FREM1: variants seen among roughly 807,000 people sequenced by gnomAD.
The protein encoded by FREM1 is FRAS1 related extracellular matrix 1, also known as FRAS1-related extracellular matrix protein 1.
In FREM1, 220 loss-of-function variants were observed where a neutral mutation model predicts 210.1. The ratio of observed to expected loss-of-function variants is 1.05; its 90% CI spans 0.94 to 1.17. The LOEUF (loss-of-function observed/expected upper bound fraction) is 1.17, where lower values mean the gene tolerates loss of function less well. Among genes scored for constraint, FREM1 ranks in the 50% most tolerant of loss-of-function variants. The pLI, the probability that FREM1 is intolerant of heterozygous loss-of-function variation, is 0.00. For missense variants in FREM1, 3,454 were observed against 2,675.5 expected (o/e 1.29, Z -6.42); for synonymous variants, 1,189 against 980.2 (o/e 1.21, Z -3.98).
intron 1 of FREM1, among the ~76,000 whole-genome samples, chr9:14,898,175 G>C (rs1838083256): frequency 6.6e-6 from 1 of 152,118 alleles, no homozygotes; most frequent in African/African-American, 2.4e-5. Flanking sequence ...ATTTCTTTGA[G>C]CAAGGTTCCT....
intron 1 of FREM1, among the ~76,000 whole-genome samples, chr9:14,882,422 G>A (rs1367542332): frequency 2.6e-5 from 4 of 151,298 alleles, no homozygotes; most frequent in Admixed American, 2.6e-4. Context: ...TTGAATATCT[G>A]GATTCTAATC....
chr9:14,905,648 G>T (rs1328978345), intron 1 of FREM1, among the ~76,000 whole-genome samples: 1 of 152,182 alleles, frequency 6.6e-6, no homozygotes, highest in South Asian at 2.1e-4. Flanking sequence ...TAGCACTTTG[G>T]GAGGCCGAGG....
intron 12 of FREM1, 48 bp downstream of exon 12, chr9:14,823,977 A>G: frequency 1.0e-5 from 12 of 1,197,592 alleles, no homozygotes; most frequent in Non-Finnish European, 1.4e-5. Context: ...ATACCTTCTA[A>G]GGGCACACTT....
At chr9:14,885,258 G>A (rs1835603170) in intron 1 of FREM1, among the ~76,000 whole-genome samples, 1 of 151,972 alleles carries the variant, frequency 6.6e-6, no homozygotes, top group Admixed American at 6.5e-5. Context: ...TAGTGATCTA[G>A]GTAGTTATCA....
At chr9:14,767,175 T>C (rs1287962615) in intron 27 of FREM1, among the ~76,000 whole-genome samples, 5 of 152,120 alleles carry the variant, frequency 3.3e-5, no homozygotes, top group Admixed American at 1.3e-4. Context: ...AGTTCGGTGG[T>C]TTATTATCTA....
At chr9:14,856,102 G>T (rs941791061) in intron 5 of FREM1, among the ~76,000 whole-genome samples, 6 of 152,030 alleles carry the variant, frequency 3.9e-5, no homozygotes, top group African/African-American at 1.5e-4. Context: ...TTTAAAACCA[G>T]CAATATGCAT....
At chr9:14,895,057 G>A (rs1837466867) in intron 1 of FREM1, among the ~76,000 whole-genome samples, 2 of 152,202 alleles carry the variant, frequency 1.3e-5, no homozygotes, top group Non-Finnish European at 2.9e-5. Flanking sequence ...AGGCCCAGGA[G>A]CTCCAGGTTA....
intron 1 of FREM1, among the ~76,000 whole-genome samples, chr9:14,875,206 T>A (rs1833468859): frequency 6.6e-6 from 1 of 152,206 alleles, no homozygotes; most frequent in South Asian, 2.1e-4. Flanking sequence ...TGAATCTGAA[T>A]GTTGGCCTGC....
chr9:14,841,602 T>C lies in FREM1; in HGVS notation c.1739-13A>G. ...TGGACAGGATAGCCTATTGGGTCCA[T>C]AAAACACCACATACTTTTGTACAAG... On this transcript the variant is annotated splice_polypyrimidine_tract_variant and intron_variant, in intron 9 of 36. Transcript: ENST00000380880. 1 of 1,564,460 alleles carries C rather than the reference T, an allele frequency of 6.4e-7. No individual in the cohort carries two copies. Among genetic ancestry groups the C allele is most frequent in the South Asian group, 1.2e-5 (1 of 83,744 alleles).
intron 24 of FREM1, among the ~76,000 whole-genome samples, chr9:14,779,073 T>G (rs1212429538): frequency 3.3e-5 from 5 of 152,176 alleles, no homozygotes; most frequent in Non-Finnish European, 7.3e-5. Context: ...TTTCTGTTAC[T>G]TTTTCATATT....
At chr9:14,897,654 C>T (rs1466352982) in intron 1 of FREM1, among the ~76,000 whole-genome samples, 2 of 151,174 alleles carry the variant, frequency 1.3e-5, no homozygotes, top group African/African-American at 4.9e-5. Context: ...ACAGTTCCTT[C>T]ATCAAGGCTC....
intron 5 of FREM1, among the ~76,000 whole-genome samples, chr9:14,857,348 G>C (rs1162768394): frequency 6.6e-6 from 1 of 152,186 alleles, no homozygotes; most frequent in Non-Finnish European, 1.5e-5. Context: ...AAGAGAACCA[G>C]AGAAGGGAAA....
intron 1 of FREM1, among the ~76,000 whole-genome samples, chr9:14,875,508 C>T (rs1457440335): frequency 2.0e-5 from 3 of 152,228 alleles, no homozygotes; most frequent in African/African-American, 4.8e-5. Context: ...GTTCTCGAGC[C>T]TTGGCTTTCA....
intron 1 of FREM1, among the ~76,000 whole-genome samples, chr9:14,887,190 G>A (rs754349094): frequency 3.3e-5 from 5 of 152,162 alleles, no homozygotes; most frequent in Non-Finnish European, 7.3e-5. Context: ...TCTTCTTTGT[G>A]TTTTAATTGA....
chr9:14,785,548 A>G (rs540224519), intron 23 of FREM1, among the ~76,000 whole-genome samples: 1 of 152,340 alleles, frequency 6.6e-6, no homozygotes, highest in East Asian at 1.9e-4. Context: ...GTGCCTCTCA[A>G]CAGATGAGTG....
chr9:14,738,600 G>GA (rs34634509), intron 36 of FREM1, among the ~76,000 whole-genome samples: 111,951 of 151,944 alleles, frequency 0.74, 41,306 homozygotes, highest in Middle Eastern at 0.79. Context: ...CAGAAATAGT[G>GA]AAAGCCAAGA....
At chr9:14,779,817 G>T (rs1232201533) in intron 24 of FREM1, among the ~76,000 whole-genome samples, 1 of 152,220 alleles carries the variant, frequency 6.6e-6, no homozygotes, top group African/African-American at 2.4e-5. Context: ...GCAGCTGTCA[G>T]TGCTGACCTA....
At chr9:14,878,459 T>C (rs73642431) in intron 1 of FREM1, among the ~76,000 whole-genome samples, 1 of 152,192 alleles carries the variant, frequency 6.6e-6, no homozygotes, top group Non-Finnish European at 1.5e-5. Flanking sequence ...TGGTCACACC[T>C]AACAACCCCA....
At chr9:14,744,900 A>T (rs181380864) in intron 35 of FREM1, among the ~76,000 whole-genome samples, 112 of 152,298 alleles carry the variant, frequency 7.4e-4, no homozygotes, top group African/African-American at 2.7e-3. Context: ...ATCTTTAGCA[A>T]CATGTGGTAT....
Sources: gnomAD v4.1 joint callset for allele counts (sites outside exome capture counted in the v4.1 genomes callset) on GRCh38, gnomAD v4.1.1 for gene constraint, MANE v1.5 for transcripts, NCBI Gene and HGNC (gene_info 2026-07-23, HGNC 2026-07-21) for gene names.